TWIST2: variants seen among roughly 807,000 people sequenced by gnomAD.
TWIST2 encodes the protein twist family bHLH transcription factor 2.
TWIST2 carries 1 observed loss-of-function variant against 11.6 expected under a neutral mutation model. The ratio of observed to expected loss-of-function variants is 0.09; its 90% CI spans 0.03 to 0.41. The LOEUF is 0.41. Ranked by LOEUF, TWIST2 falls within the 10% of genes least tolerant of loss-of-function variation. The probability of loss-of-function intolerance (pLI) is 0.98; values close to 1 mark genes in which losing one functional copy is unlikely to be tolerated. For synonymous variants in TWIST2, 87 were observed against 96.6 expected, an observed-to-expected ratio of 0.90 and a Z score of 0.58; for missense variants, 168 against 226.4, an observed-to-expected ratio of 0.74 and a Z score of 1.66.
chr2:238,852,083 G>C (rs557905837), intron 1 of TWIST2, among the ~76,000 whole-genome samples: 3 of 151,952 alleles, frequency 2.0e-5, no homozygotes, highest in Admixed American at 1.3e-4. Context: ...GCTTCACTCT[G>C]TTCTGGGTAG....
At chr2:238,905,950 CGT>C (rs1207264707) in intron 1 of TWIST2, among the ~76,000 whole-genome samples, 9 of 119,460 alleles carry the variant, frequency 7.5e-5, no homozygotes, top group East Asian at 2.2e-4. Context: ...TGTGCGCGCG[CGT>C]GTGTACGTGT....
chr2:238,901,451 C>T (rs1442799926), intron 1 of TWIST2, among the ~76,000 whole-genome samples: 1 of 152,158 alleles, frequency 6.6e-6, no homozygotes, highest in Non-Finnish European at 1.5e-5. Flanking sequence ...TTCTGGTTTT[C>T]TCCAGGCTCC....
At chr2:238,870,568 C>CACACACCACACA (rs1692658997) in intron 1 of TWIST2, among the ~76,000 whole-genome samples, 4 of 14,440 alleles carry the variant, frequency 2.8e-4, no homozygotes, top group Non-Finnish European at 4.5e-4. Context: ...ACACCACACA[C>CACACACCACACA]CACACACCAC....
Position 238,882,550 on chromosome 2 carries a change from T to TG in TWIST2, c.*36-27291dup, listed in dbSNP as rs111309510. Among the ~76,000 whole-genome samples the TG allele has an allele frequency of 4.2e-3, 644 of 152,246 alleles. 4 individuals are homozygous for TG. Among genetic ancestry groups the TG allele is most frequent in the African/African-American group, 0.014 (598 of 41,558 alleles). The stretch of plus-strand genomic sequence containing the variant: ...AACATTGACTCATGTTAGGATCATT[T>TG]GAGCCTCTTCACCTTGACTCCGATT... On this transcript the variant is annotated intron_variant, in intron 1 of 1. Transcript: ENST00000612363.
intron 1 of TWIST2, among the ~76,000 whole-genome samples, chr2:238,904,800 G>C (rs988899609): frequency 1.3e-5 from 2 of 152,006 alleles, no homozygotes; most frequent in Non-Finnish European, 2.9e-5. Context: ...AAAGAAGGGA[G>C]GAAGGGGGAA....
chr2:238,900,590 GCA>G (rs1179213567), intron 1 of TWIST2, among the ~76,000 whole-genome samples: 2 of 152,234 alleles, frequency 1.3e-5, no homozygotes, highest in Non-Finnish European at 2.9e-5. Context: ...GCTGAGCGGT[GCA>G]CATTCTGCAG....
intron 1 of TWIST2, among the ~76,000 whole-genome samples, chr2:238,905,175 G>T (rs1160172912): frequency 3.3e-5 from 5 of 152,164 alleles, no homozygotes; most frequent in African/African-American, 1.2e-4. Context: ...TTAGGCCTTG[G>T]GGATATAGAG....
In TWIST2 at chr2:238,881,529, G is replaced by T. The variant is rs138980947; in HGVS notation, c.*36-28313G>T. ...TTGGTGTTAGTATTTGTTAGTATTA[G>T]TGTTGGTGTTAGTATTTATTAGTAT... On this transcript the variant is annotated intron_variant, in intron 1 of 1. Coordinates refer to ENST00000612363, the MANE Select transcript of TWIST2 (RefSeq NM_001271893.4). 3.0e-4 allele frequency among the ~76,000 whole-genome samples: 45 copies of T among 152,128 alleles called. No homozygotes were observed. The East Asian group carries it at 8.3e-3, about 28-fold the overall frequency.
intron 1 of TWIST2, among the ~76,000 whole-genome samples, chr2:238,908,353 A>AC (rs1310389212): frequency 1 from 151,305 of 151,448 alleles, 75,581 homozygotes; most frequent in Middle Eastern, 1. Context: ...AACACACCAC[A>AC]CCCCACATAC....
intron 1 of TWIST2, among the ~76,000 whole-genome samples, chr2:238,859,617 G>A (rs1415013449): frequency 6.6e-6 from 1 of 151,584 alleles, no homozygotes; most frequent in African/African-American, 2.4e-5. Context: ...TGCATCTCTG[G>A]TAACTGAGGT....
rs1692182130 is a variant in TWIST2, at chr2:238,848,769, C to CG, written c.*35+42dup. On this transcript the variant is annotated intron_variant, in intron 1 of 1. Transcript: ENST00000612363. ...CGCGCGCGACGGGCGCCCTCCGCTG[C>CG]GGGGGGCGGGCGGCAGGGGCGCAGG... The CG allele has an allele frequency of 1.1e-5, 14 of 1,319,180 alleles. No homozygotes were observed. The East Asian group carries it at 2.2e-4, about 21-fold the overall frequency. 81.7% of individuals were successfully genotyped at this position (1,319,180 alleles called of 1,614,324 possible). A position where few individuals can be genotyped will look rare whatever the true frequency, so the allele number is the denominator to read the frequency against.
At chr2:238,897,580 C>G (rs1031350773) in intron 1 of TWIST2, among the ~76,000 whole-genome samples, 3 of 152,202 alleles carry the variant, frequency 2.0e-5, no homozygotes, top group Admixed American at 6.5e-5. Context: ...CTCAGCTGCT[C>G]AGCCTCCGAG....
rs977741700 is a variant in TWIST2 at position 238,866,376 on chromosome 2, C to T, written c.*35+17643C>T. Among the ~76,000 whole-genome samples the T allele has an allele frequency of 3.9e-5, 6 of 152,320 alleles. No individual in the cohort carries two copies. Among genetic ancestry groups the T allele is most frequent in the South Asian group, 4.2e-4 (2 of 4,818 alleles). On this transcript the variant is annotated intron_variant, in intron 1 of 1. Coordinates refer to ENST00000612363, the MANE Select transcript of TWIST2 (RefSeq NM_001271893.4). This position sits in a 1 kb window ranked among gnomAD's most constrained non-coding sequence, Gnocchi z 4.9. Reference sequence around the variant, plus strand: ...GCTTGTTCTTAAAGCATGGCACCTTCGGCCAGGCACAGTGGCTCACACCTG... The same window carrying T: ...GCTTGTTCTTAAAGCATGGCACCTTTGGCCAGGCACAGTGGCTCACACCTG...
At chr2:238,855,752 C>T (rs991477931) in intron 1 of TWIST2, among the ~76,000 whole-genome samples, 6 of 152,128 alleles carry the variant, frequency 3.9e-5, no homozygotes, top group Non-Finnish European at 8.8e-5. Flanking sequence ...CGTGATAGCT[C>T]AGTCACACGT....
At chr2:238,861,704 G>C (rs149758226) in intron 1 of TWIST2, among the ~76,000 whole-genome samples, 1 of 152,266 alleles carries the variant, frequency 6.6e-6, no homozygotes, top group South Asian at 2.1e-4. Context: ...GGTGAATCCC[G>C]TTACAGCCGT....
At chr2:238,852,133 T>C (rs762890336) in intron 1 of TWIST2, among the ~76,000 whole-genome samples, 8 of 152,020 alleles carry the variant, frequency 5.3e-5, no homozygotes, top group Non-Finnish European at 1.0e-4. Flanking sequence ...GGCAAAAAAA[T>C]TTAAAAAAAG....
At chr2:238,878,283 A>G (rs1692842823) in intron 1 of TWIST2, among the ~76,000 whole-genome samples, 1 of 152,062 alleles carries the variant, frequency 6.6e-6, no homozygotes, top group African/African-American at 2.4e-5. Context: ...AGCCACCCCA[A>G]AGCTCACTTA....
At chr2:238,855,028 C>T (rs555385326) in intron 1 of TWIST2, among the ~76,000 whole-genome samples, 15 of 152,344 alleles carry the variant, frequency 9.8e-5, no homozygotes, top group Non-Finnish European at 1.3e-4. Context: ...CGTGGACTCC[C>T]TGGACCTGCG....
chr2:238,887,799 C>A (rs530931522), intron 1 of TWIST2, among the ~76,000 whole-genome samples: 1 of 152,128 alleles, frequency 6.6e-6, no homozygotes, highest in African/African-American at 2.4e-5. Context: ...TTCGTGACTG[C>A]GTGGAGCAGA....
Sources: allele counts gnomAD v4.1 joint callset (sites outside exome capture counted in the v4.1 genomes callset), GRCh38; gene constraint gnomAD v4.1.1; non-coding constraint Gnocchi (gnomAD v3.1); transcripts MANE v1.5; gene names NCBI Gene and HGNC (gene_info 2026-07-23, HGNC 2026-07-21).